THSD4: variants seen among roughly 807,000 people sequenced by gnomAD.
The protein encoded by THSD4 is thrombospondin type 1 domain containing 4.
Under a neutral mutation model 119.0 loss-of-function variants are expected in THSD4, and 69 were observed. The observed-to-expected ratio is 0.58, with a 90% CI of 0.48 to 0.71. The LOEUF (loss-of-function observed/expected upper bound fraction) is 0.71. THSD4 is among the 30% of genes least tolerant of loss of function. The probability of loss-of-function intolerance (pLI) is 0.00; values close to 1 mark genes in which losing one functional copy is unlikely to be tolerated. For synonymous variants in THSD4, 524 were observed against 540.4 expected (o/e 0.97, Z 0.42); for missense variants, 1,393 against 1,391.1 (o/e 1.00, Z -0.02).
chr15:71,645,292 A>G (rs2050946494), intron 7 of THSD4, among the ~76,000 whole-genome samples: 1 of 152,168 alleles, frequency 6.6e-6, no homozygotes, highest in Admixed American at 6.5e-5. Flanking sequence ...GGCCTCAGGA[A>G]ACTTACAATT....
intron 6 of THSD4, among the ~76,000 whole-genome samples, chr15:71,297,556 G>C (rs1312608525): frequency 6.6e-6 from 1 of 152,092 alleles, no homozygotes; most frequent in Non-Finnish European, 1.5e-5. Flanking sequence ...GGCTGGTCTT[G>C]AACTCCTGAC....
At chr15:71,237,971 C>T (rs887668093) in intron 4 of THSD4, among the ~76,000 whole-genome samples, 1 of 152,094 alleles carries the variant, frequency 6.6e-6, no homozygotes, top group African/African-American at 2.4e-5. Context: ...CCCAGACGCC[C>T]GTTGGATGAA....
At chr15:71,710,160 C>A (rs543363788) in intron 8 of THSD4, among the ~76,000 whole-genome samples, 207 of 152,330 alleles carry the variant, frequency 1.4e-3, no homozygotes, top group South Asian at 4.4e-3. Context: ...TTCCAAGGAA[C>A]TATTTGTTCA....
chr15:71,256,671 A>C lies in THSD4; in HGVS notation c.971A>C (p.Lys324Thr). 6.2e-7 allele frequency: 1 copy of C among 1,614,096 alleles called. No individual in the cohort carries two copies. Among genetic ancestry groups the C allele is most frequent in the Non-Finnish European group, 8.5e-7 (1 of 1,179,972 alleles). The part of the protein sequence containing the change: ...REVQCASYNN[K>T]PFMGRFYEWE... Reference sequence around the variant, plus strand: ...GTACAGTGTGCATCCTACAACAACAAGCCATTCATGGGCCGGTTTTATGAG... The same window carrying C: ...GTACAGTGTGCATCCTACAACAACACGCCATTCATGGGCCGGTTTTATGAG... The change falls in exon 6 of 18, where the codon AAG becomes ACG. Residue 324 changes from lysine (K) to threonine (T), a missense_variant. Transcript: ENST00000261862.
chr15:71,280,551 G>A (rs2140313180), intron 6 of THSD4, among the ~76,000 whole-genome samples: 1 of 152,228 alleles, frequency 6.6e-6, no homozygotes, highest in Admixed American at 6.5e-5. Flanking sequence ...TTCTGTTCCT[G>A]CACAGCAGCC....
intron 6 of THSD4, among the ~76,000 whole-genome samples, chr15:71,317,468 CT>C (rs1268015057): frequency 1.3e-5 from 2 of 152,208 alleles, no homozygotes; most frequent in East Asian, 3.8e-4. Context: ...TGCAGGGGAA[CT>C]CCCCTTTTAT....
At chr15:71,239,887 TG>T (rs1439096937) in intron 4 of THSD4, among the ~76,000 whole-genome samples, 1 of 152,260 alleles carries the variant, frequency 6.6e-6, no homozygotes, top group East Asian at 1.9e-4. Flanking sequence ...AACGTTCTCC[TG>T]GCCAAGCCAG....
At chr15:71,692,610 CTG>C (rs2052079041) in intron 8 of THSD4, among the ~76,000 whole-genome samples, 1 of 152,192 alleles carries the variant, frequency 6.6e-6, no homozygotes, top group Non-Finnish European at 1.5e-5. Flanking sequence ...TTGTTCAACT[CTG>C]TGTCTCCTCC....
At chr15:71,580,683 T>C (rs2049541258) in intron 7 of THSD4, among the ~76,000 whole-genome samples, 1 of 152,192 alleles carries the variant, frequency 6.6e-6, no homozygotes, top group Non-Finnish European at 1.5e-5. Flanking sequence ...ACCATTCTAC[T>C]CTCTGCTTTC....
chr15:71,176,054 C>T (rs573782883), intron 3 of THSD4, among the ~76,000 whole-genome samples: 16,699 of 116,398 alleles, frequency 0.14, 980 homozygotes, highest in Admixed American at 0.17. Flanking sequence ...TAAAGACCAT[C>T]GAGACTAGGA....
At chr15:71,116,477 G>T (rs947469942) in intron 1 of THSD4, among the ~76,000 whole-genome samples, 1 of 152,170 alleles carries the variant, frequency 6.6e-6, no homozygotes, top group Admixed American at 6.5e-5. Context: ...TTGTGGTCTA[G>T]TAAGTTTTTT....
chr15:71,475,416 A>C (rs1045770789), intron 7 of THSD4, among the ~76,000 whole-genome samples: 1 of 152,202 alleles, frequency 6.6e-6, no homozygotes, highest in Admixed American at 6.5e-5. Flanking sequence ...TACCTCTTCA[A>C]TGACTATTGA....
At chr15:71,453,367 G>C (rs929479120) in intron 7 of THSD4, among the ~76,000 whole-genome samples, 1 of 152,176 alleles carries the variant, frequency 6.6e-6, no homozygotes, top group Admixed American at 6.5e-5. Flanking sequence ...GTGTTTTGCT[G>C]TCAGACCCTT....
intron 7 of THSD4, among the ~76,000 whole-genome samples, chr15:71,456,568 C>T (rs987408758): frequency 1.3e-5 from 2 of 152,224 alleles, no homozygotes; most frequent in Admixed American, 1.3e-4. Context: ...TAGCAGTTTG[C>T]CTGCAGTCTT....
Position 71,538,478 on chromosome 15 carries a change from G to A in THSD4, c.1153-122052G>A, listed in dbSNP as rs1399370955. On this transcript the variant is annotated intron_variant, in intron 7 of 17. Coordinates refer to ENST00000261862, the MANE Select transcript of THSD4 (RefSeq NM_024817.3). Reference sequence around the variant, plus strand: ...CCACTGTTTTCATTATTACGGCTTCGTGCTATGTTTTAGTATCTGACAGTT... The same window carrying A: ...CCACTGTTTTCATTATTACGGCTTCATGCTATGTTTTAGTATCTGACAGTT... Among the ~76,000 whole-genome samples, 9 of 152,142 alleles carry A rather than the reference G, an allele frequency of 5.9e-5. No homozygotes were observed. In the South Asian group the frequency reaches 6.2e-4, roughly 10 times the overall value.
At chr15:71,183,004 A>G (rs1424096544) in intron 3 of THSD4, 1 of 151,812 alleles carries the variant, frequency 6.6e-6, no homozygotes, top group African/African-American at 2.4e-5. Flanking sequence ...TCAAGGGCCT[A>G]CCATGTGAAC....
chr15:71,681,583 C>T (rs146907596), intron 8 of THSD4, among the ~76,000 whole-genome samples: 1 of 147,190 alleles, frequency 6.8e-6, no homozygotes, highest in Non-Finnish European at 1.5e-5. Context: ...GCTGGGGCGG[C>T]AGAATCGATT....
chr15:71,689,074 G>A (rs752232014), intron 8 of THSD4, among the ~76,000 whole-genome samples: 3 of 152,184 alleles, frequency 2.0e-5, no homozygotes, highest in Non-Finnish European at 2.9e-5. Flanking sequence ...ATAAGGCCCT[G>A]TAGAGCTCTT....
At chr15:71,287,517 C>A (rs2044732867) in intron 6 of THSD4, among the ~76,000 whole-genome samples, 1 of 152,224 alleles carries the variant, frequency 6.6e-6, no homozygotes, top group Non-Finnish European at 1.5e-5. Context: ...CAAAACAGTT[C>A]CAGACACTAC....
Sources: gnomAD v4.1 joint callset for allele counts (sites outside exome capture counted in the v4.1 genomes callset) on GRCh38, gnomAD v4.1.1 for gene constraint, MANE v1.5 for transcripts, NCBI Gene and HGNC (gene_info 2026-07-23, HGNC 2026-07-21) for gene names.